Variants in ABHD2 observed in about 807,000 individuals in gnomAD.
ABHD2 encodes abhydrolase domain containing 2, acylglycerol lipase.
In ABHD2, 20 loss-of-function variants were observed where a neutral mutation model predicts 48.1. The ratio of observed to expected loss-of-function variants is 0.42; its 90% CI spans 0.29 to 0.60. The LOEUF is 0.60. ABHD2 is among the 20% of genes least tolerant of loss of function. The probability of loss-of-function intolerance (pLI) is 0.24; values close to 1 mark genes in which losing one functional copy is unlikely to be tolerated. For synonymous variants in ABHD2, 209 were observed against 214.2 expected (o/e 0.98, Z 0.21); for missense variants, 405 against 550.9 (o/e 0.74, Z 2.65).
chr15:89,164,522 C>G lies in ABHD2; in HGVS notation c.538+8988C>G, dbSNP rs921165488. Among the ~76,000 whole-genome samples, 4 of 152,248 alleles carry G rather than the reference C, an allele frequency of 2.6e-5. No individual in the cohort carries two copies. In the South Asian group the frequency reaches 8.3e-4, roughly 32 times the overall value. ...GGCAATAAGTCCCAGCATGGTGGCT[C>G]ACACCTGTAATCCCAGCACTTTGGG... On this transcript the variant is annotated intron_variant, in intron 5 of 10. Coordinates refer to ENST00000352732, the MANE Select transcript of ABHD2 (RefSeq NM_152924.5). This position sits in a 1 kb window ranked among gnomAD's most constrained non-coding sequence, Gnocchi z 5.0.
At chr15:89,074,483 T>C in the ABHD2 span, among the ~76,000 whole-genome samples, 1 of 152,162 alleles carries the variant, frequency 6.6e-6, no homozygotes, top group East Asian at 1.9e-4. Flanking sequence ...AGATGCACTG[T>C]TTTAACAAAT....
Position 89,177,194 on chromosome 15 carries a change from T to C in ABHD2, c.722+1199T>C, listed in dbSNP as rs1020303859. The stretch of plus-strand genomic sequence containing the variant: ...CGTGCCGGCAATATGGGGATGATGA[T>C]GATAAGCAGTACCTACCTCATAGCA... On this transcript the variant is annotated intron_variant, in intron 6 of 10. Coordinates refer to ENST00000352732, the MANE Select transcript of ABHD2 (RefSeq NM_152924.5). This position sits in a 1 kb window ranked among gnomAD's most constrained non-coding sequence, Gnocchi z 5.6. Among the ~76,000 whole-genome samples, 3 of 152,200 alleles carry C rather than the reference T, an allele frequency of 2.0e-5. No homozygotes were observed. Among genetic ancestry groups the C allele is most frequent in the Admixed American group, 6.5e-5 (1 of 15,282 alleles).
rs959281349 is a variant in ABHD2, at chr15:89,100,549, T to C, written c.-107+11986T>C. Among the ~76,000 whole-genome samples the C allele has an allele frequency of 5.3e-5, 8 of 152,170 alleles. No homozygotes were observed. Among genetic ancestry groups the C allele is most frequent in the African/African-American group, 1.9e-4 (8 of 41,434 alleles). ...TGAAGCAGAAATCTTTGTAGAAATA[T>C]TTTTCCATTCTCCTTAGATGTTAAA... On this transcript the variant is annotated intron_variant, in intron 1 of 10. Coordinates refer to ENST00000352732, the MANE Select transcript of ABHD2 (RefSeq NM_152924.5). The surrounding 1 kb of genome is among the most constrained non-coding windows in gnomAD (Gnocchi z 4.4).
At chr15:89,074,292 C>T in the ABHD2 span, among the ~76,000 whole-genome samples, 1 of 152,096 alleles carries the variant, frequency 6.6e-6, no homozygotes, top group South Asian at 2.1e-4. Context: ...AGAAGAATGG[C>T]TTGAACCCGG....
At chr15:89,051,248 G>A in the ABHD2 span, among the ~76,000 whole-genome samples, 1 of 152,080 alleles carries the variant, frequency 6.6e-6, no homozygotes, top group Non-Finnish European at 1.5e-5. Flanking sequence ...ATAATAATAA[G>A]TATGCTAGAA....
chr15:89,124,446 C>T (rs2050101698), intron 3 of ABHD2, among the ~76,000 whole-genome samples: 1 of 152,198 alleles, frequency 6.6e-6, no homozygotes, highest in Non-Finnish European at 1.5e-5. Context: ...AATTCTGGAA[C>T]CAGCACAGCT....
chr15:89,077,328 A>G, the ABHD2 span, among the ~76,000 whole-genome samples: 1 of 152,348 alleles, frequency 6.6e-6, no homozygotes, highest in South Asian at 2.1e-4. Flanking sequence ...TTCATTCCCA[A>G]TGCTGCATAG....
At chr15:89,078,731 T>TC in the ABHD2 span, among the ~76,000 whole-genome samples, 1 of 151,372 alleles carries the variant, frequency 6.6e-6, no homozygotes, top group Non-Finnish European at 1.5e-5. Flanking sequence ...TAGGCTTTTT[T>TC]TTTTTCTTTT....
In ABHD2 at chr15:89,116,348, T is replaced by A; in HGVS notation, c.21T>A (p.Thr7=). The change falls in exon 3 of 11, where the codon ACT becomes ACA. Residue 7 remains threonine (T), a synonymous_variant. Transcript: ENST00000352732. This position sits in a 1 kb window ranked among gnomAD's most constrained non-coding sequence, Gnocchi z 4.6. ...TCAAGATGAATGCCATGCTGGAGACTCCCGAACTCCCAGCCGTGTTTGATG... is the reference window on the plus strand; with the variant it reads ...TCAAGATGAATGCCATGCTGGAGACACCCGAACTCCCAGCCGTGTTTGATG... MNAMLE[T]PELPAVFDGV... 1 of 1,614,038 alleles carries A rather than the reference T, an allele frequency of 6.2e-7. No homozygotes were observed. Among genetic ancestry groups the A allele is most frequent in the Non-Finnish European group, 8.5e-7 (1 of 1,179,928 alleles).
rs963690650 is a variant in ABHD2, at chr15:89,135,717, T to C, written c.195-15960T>C. On this transcript the variant is annotated intron_variant, in intron 3 of 10. Transcript: ENST00000352732. ...GCAATATCCTTTTCTTACTTTTCCT[T>C]CAGCTTCGCAGCCTTCTTTTTATAA... is the stretch of plus-strand genomic sequence containing the variant. The C allele has an allele frequency of 3.0e-6, 4 of 1,323,824 alleles. No individual in the cohort carries two copies. In the African/African-American group the frequency reaches 4.3e-5, roughly 14 times the overall value. 82.0% of individuals were successfully genotyped at this position (1,323,824 alleles called of 1,614,324 possible).
intron 1 of ABHD2, among the ~76,000 whole-genome samples, chr15:89,113,303 C>G (rs2049905107): frequency 6.6e-6 from 1 of 152,148 alleles, no homozygotes; most frequent in South Asian, 2.1e-4. Context: ...TTTTTTCTGT[C>G]CCTGCTGTAT....
intron 5 of ABHD2, among the ~76,000 whole-genome samples, chr15:89,158,797 C>G (rs918049933): frequency 7.9e-5 from 12 of 152,026 alleles, no homozygotes; most frequent in African/African-American, 2.4e-4. Flanking sequence ...ATTGAAGCCT[C>G]AACCTCCCAG....
At chr15:89,052,724 G>C in the ABHD2 span, among the ~76,000 whole-genome samples, 2,529 of 152,196 alleles carry the variant, frequency 0.017, 62 homozygotes, top group African/African-American at 0.058. Context: ...TCACAGGGAG[G>C]CCATCCAGCC....
chr15:89,076,658 T>C, the ABHD2 span, among the ~76,000 whole-genome samples: 6 of 152,012 alleles, frequency 3.9e-5, no homozygotes, highest in Non-Finnish European at 7.4e-5. Context: ...TACTTTTTTG[T>C]ATTTTTGTAG....
Position 89,189,672 on chromosome 15 carries a change from C to T in ABHD2, c.926+1369C>T, listed in dbSNP as rs989676470. On this transcript the variant is annotated intron_variant, in intron 8 of 10. Transcript: ENST00000352732. This position sits in a 1 kb window ranked among gnomAD's most constrained non-coding sequence, Gnocchi z 4.9. ...AGTAACGTTGAAATATGCCTGCTAA[C>T]AGTTTCTCAAAGGAAATGAAAACTA... 6.6e-6 allele frequency among the ~76,000 whole-genome samples: 1 copy of T among 152,098 alleles called. No homozygotes were observed. Among genetic ancestry groups the T allele is most frequent in the African/African-American group, 2.4e-5 (1 of 41,396 alleles).
intron 6 of ABHD2, among the ~76,000 whole-genome samples, chr15:89,183,673 T>G (rs1596156497): frequency 7.5e-6 from 1 of 132,824 alleles, no homozygotes; most frequent in East Asian, 2.0e-4. Flanking sequence ...TGTGGTGTTT[T>G]CAATAAAAAA....
At position 89,200,410 on chromosome 15, in the gene ABHD2, C is replaced by T. The variant is rs2051454598; in HGVS notation, c.*4987C>T. On this transcript the variant is annotated 3_prime_UTR_variant, in exon 11 of 11. Coordinates refer to ENST00000352732, the MANE Select transcript of ABHD2 (RefSeq NM_152924.5). ...AGACAGTTGGGCGGCCAGGCAAGCGCTCCTCACTTCCCAGATGGGGCGGCT... is the reference window on the plus strand; with the variant it reads ...AGACAGTTGGGCGGCCAGGCAAGCGTTCCTCACTTCCCAGATGGGGCGGCT... 1.3e-5 allele frequency: 2 copies of T among 150,658 alleles called. No homozygotes were observed. Among genetic ancestry groups the T allele is most frequent in the African/African-American group, 5.1e-5 (2 of 39,560 alleles). 9.3% of individuals were successfully genotyped at this position (150,658 alleles called of 1,614,324 possible). A position where few individuals can be genotyped will look rare whatever the true frequency, so the allele number is the denominator to read the frequency against.
rs978035620 is a variant in ABHD2 at position 89,120,869 on chromosome 15, C to G, written c.194+4348C>G. ...GTGAAAAAAAAAATTATAATTCTACCCAGAGATAATGCACTATTAATATGT... is the reference window on the plus strand; with the variant it reads ...GTGAAAAAAAAAATTATAATTCTACGCAGAGATAATGCACTATTAATATGT... On this transcript the variant is annotated intron_variant, in intron 3 of 10. Transcript: ENST00000352732. This position sits in a 1 kb window ranked among gnomAD's most constrained non-coding sequence, Gnocchi z 4.2. 6.6e-6 allele frequency: 1 copy of G among 152,112 alleles called. No homozygotes were observed. The highest frequency in any genetic ancestry group is 1.5e-5 in the Non-Finnish European group (1 of 68,030). 9.4% of individuals were successfully genotyped at this position (152,112 alleles called of 1,614,324 possible).
At chr15:89,077,849 A>G in the ABHD2 span, among the ~76,000 whole-genome samples, 2 of 152,242 alleles carry the variant, frequency 1.3e-5, no homozygotes, top group East Asian at 3.9e-4. Context: ...GTCTATGCCT[A>G]TGACTTCCAT....
Sources: gnomAD v4.1 joint callset for allele counts (sites outside exome capture counted in the v4.1 genomes callset) on GRCh38, gnomAD v4.1.1 for gene constraint, Gnocchi (gnomAD v3.1) non-coding constraint, MANE v1.5 for transcripts, NCBI Gene and HGNC (gene_info 2026-07-23, HGNC 2026-07-21) for gene names.